Variants in PDS5B observed in about 807,000 individuals in gnomAD.
PDS5B encodes sister chromatid cohesion protein PDS5 homolog B.
In PDS5B, 51 loss-of-function variants were observed where a neutral mutation model predicts 184.1. That is an observed-to-expected ratio of 0.28 (90% CI 0.22 to 0.35). The LOEUF is 0.35. PDS5B is among the 10% of genes least tolerant of loss of function. The pLI, the probability that PDS5B is intolerant of heterozygous loss-of-function variation, is 1.00. For synonymous variants in PDS5B, 566 were observed against 569.2 expected, an observed-to-expected ratio of 0.99 and a Z score of 0.08; for missense variants, 1,180 against 1,723.3, an observed-to-expected ratio of 0.68 and a Z score of 5.58.
intron 1 of PDS5B, among the ~76,000 whole-genome samples, chr13:32,601,623 A>G (rs1027797492): frequency 1.3e-5 from 2 of 152,158 alleles, no homozygotes; most frequent in Non-Finnish European, 2.9e-5. Flanking sequence ...TGATATTTCT[A>G]CTCTGAGGAA....
At chr13:32,708,336 T>A (rs1952091938) in intron 18 of PDS5B, among the ~76,000 whole-genome samples, 1 of 152,254 alleles carries the variant, frequency 6.6e-6, no homozygotes. Flanking sequence ...ATCCTCACTT[T>A]GGGACTCTCC....
At chr13:32,659,956 A>G (rs993526563) in intron 6 of PDS5B, among the ~76,000 whole-genome samples, 1 of 152,248 alleles carries the variant, frequency 6.6e-6, no homozygotes, top group African/African-American at 2.4e-5. Flanking sequence ...TCATAATTCA[A>G]AAATTCCAAA....
At chr13:32,715,659 C>T (rs1952362944) in intron 19 of PDS5B, among the ~76,000 whole-genome samples, 1 of 152,060 alleles carries the variant, frequency 6.6e-6, no homozygotes, top group African/African-American at 2.4e-5. Flanking sequence ...CTCTCCCTCT[C>T]CCCACGGTCT....
chr13:32,717,034 C>T (rs7992910), intron 19 of PDS5B, among the ~76,000 whole-genome samples: 1,314 of 123,406 alleles, frequency 0.011, 60 homozygotes, highest in African/African-American at 0.042. Flanking sequence ...GTCAGCCCCC[C>T]GCCCGGCCAG....
At chr13:32,655,006 T>C (rs1200521233) in intron 3 of PDS5B, among the ~76,000 whole-genome samples, 1 of 152,140 alleles carries the variant, frequency 6.6e-6, no homozygotes, top group East Asian at 1.9e-4. Flanking sequence ...CATGCGTCTT[T>C]ATGGTAGAAT....
At chr13:32,733,799 C>G (rs930897135) in intron 20 of PDS5B, among the ~76,000 whole-genome samples, 1 of 152,116 alleles carries the variant, frequency 6.6e-6, no homozygotes, top group African/African-American at 2.4e-5. Context: ...TTTCCTTTCC[C>G]AGAGGCAGAG....
intron 13 of PDS5B, chr13:32,688,858 C>T (rs1171955734): frequency 3.0e-6 from 1 of 338,746 alleles, no homozygotes; most frequent in African/African-American, 2.1e-5. Flanking sequence ...TGTACCTATT[C>T]TTTTTTATTT....
At chr13:32,692,994 G>C (rs1951598233) in intron 13 of PDS5B, among the ~76,000 whole-genome samples, 1 of 151,912 alleles carries the variant, frequency 6.6e-6, no homozygotes, top group Non-Finnish European at 1.5e-5. Context: ...TTTATTTTAA[G>C]TGAAAGTAAG....
chr13:32,599,211 T>C (rs947558044), intron 1 of PDS5B, among the ~76,000 whole-genome samples: 1 of 152,190 alleles, frequency 6.6e-6, no homozygotes, highest in African/African-American at 2.4e-5. Context: ...TAAAGTTATA[T>C]TGAATTTGTG....
Position 32,775,115 on chromosome 13 carries a change from T to TTTTTTTTGCC in PDS5B, c.*63_*64insTTTTTTTGCC. 1 of 1,443,968 alleles carries TTTTTTTTGCC rather than the reference T, an allele frequency of 6.9e-7. No homozygotes were observed. Among genetic ancestry groups the TTTTTTTTGCC allele is most frequent in the Non-Finnish European group, 9.6e-7 (1 of 1,045,158 alleles). 89.4% of individuals were successfully genotyped at this position (1,443,968 alleles called of 1,614,324 possible). ...GAAAAATCTTTTTTTTTTTTTTTGG[T>TTTTTTTTGCC]CAAGCTTGAGGCTGAATAAAGCCTT... On this transcript the variant is annotated 3_prime_UTR_variant, in exon 35 of 35. Coordinates refer to ENST00000315596, the MANE Select transcript of PDS5B (RefSeq NM_015032.4).
At chr13:32,587,000 C>T (rs2057693288) in intron 1 of PDS5B, among the ~76,000 whole-genome samples, 1 of 141,298 alleles carries the variant, frequency 7.1e-6, no homozygotes, top group Non-Finnish European at 1.5e-5. Flanking sequence ...CCCGCCGCCG[C>T]CGTCGCCGCC....
intron 1 of PDS5B, among the ~76,000 whole-genome samples, chr13:32,601,715 T>A (rs990866536): frequency 6.6e-5 from 10 of 152,228 alleles, no homozygotes; most frequent in Admixed American, 5.9e-4. Flanking sequence ...CTTTAAATGG[T>A]TAGGTAGGAC....
At chr13:32,597,506 AAC>A (rs1479745886) in intron 1 of PDS5B, among the ~76,000 whole-genome samples, 1 of 151,742 alleles carries the variant, frequency 6.6e-6, no homozygotes, top group Admixed American at 6.6e-5. Context: ...CAGCCTGGGT[AAC>A]ACAGAGAGAT....
intron 17 of PDS5B, 21 bp from the exon 18 acceptor site, chr13:32,706,913 A>G (rs376600795): frequency 4.0e-6 from 6 of 1,486,086 alleles, no homozygotes; most frequent in Non-Finnish European, 5.6e-6. Flanking sequence ...TGAAAAAATG[A>G]CTTTTTTGGT....
At chr13:32,670,650 TC>T (rs1299044019) in intron 7 of PDS5B, among the ~76,000 whole-genome samples, 1 of 152,158 alleles carries the variant, frequency 6.6e-6, no homozygotes, top group African/African-American at 2.4e-5. Context: ...TGGTGATAAT[TC>T]TAAAAATTTC....
rs1179318842 is a variant in PDS5B, at chr13:32,611,293, A to C, written c.-20+24700A>C. ...CTTTCTTCAATTAGTCACTAAATTT[A>C]CTTCTTTTATTATCCCAAACCCTTC... On this transcript the variant is annotated intron_variant, in intron 1 of 34. Coordinates refer to ENST00000315596, the MANE Select transcript of PDS5B (RefSeq NM_015032.4). Among the ~76,000 whole-genome samples, 7 of 152,032 alleles carry C rather than the reference A, an allele frequency of 4.6e-5. No individual in the cohort carries two copies. The East Asian group carries it at 1.4e-3, about 29-fold the overall frequency.
intron 30 of PDS5B, among the ~76,000 whole-genome samples, chr13:32,761,631 T>C (rs1460285167): frequency 6.6e-6 from 1 of 152,188 alleles, no homozygotes; most frequent in African/African-American, 2.4e-5. Context: ...GTGAAGTACA[T>C]GATTTCATCC....
At chr13:32,603,487 T>A (rs1002381035) in intron 1 of PDS5B, among the ~76,000 whole-genome samples, 3 of 152,246 alleles carry the variant, frequency 2.0e-5, no homozygotes, top group Non-Finnish European at 2.9e-5. Context: ...CATGCTGGTT[T>A]GGTTACTGTA....
At chr13:32,589,150 C>G (rs1465603261) in intron 1 of PDS5B, among the ~76,000 whole-genome samples, 4 of 152,178 alleles carry the variant, frequency 2.6e-5, no homozygotes, top group African/African-American at 9.7e-5. Flanking sequence ...ATCTCCAACT[C>G]ACTTATACAT....
Sources: allele counts gnomAD v4.1 joint callset (sites outside exome capture counted in the v4.1 genomes callset), GRCh38; gene constraint gnomAD v4.1.1; transcripts MANE v1.5; gene names NCBI Gene and HGNC (gene_info 2026-07-23, HGNC 2026-07-21).